Variants in SPHKAP observed in about 807,000 individuals in gnomAD.
The protein encoded by SPHKAP is A-kinase anchor protein SPHKAP.
SPHKAP carries 67 observed loss-of-function variants against 137.5 expected under a neutral mutation model. The ratio of observed to expected loss-of-function variants is 0.49; its 90% confidence interval spans 0.40 to 0.60. The LOEUF is 0.60. Among genes scored for constraint, SPHKAP ranks in the 20% least tolerant of loss-of-function variants. SPHKAP has a pLI of 0.00. For missense variants in SPHKAP, 2,097 were observed against 2,069.3 expected, an observed-to-expected ratio of 1.01 and a Z score of -0.26; for synonymous variants, 813 against 785.3, an observed-to-expected ratio of 1.04 and a Z score of -0.59.
chr2:228,112,354 T>C (rs979914125), intron 2 of SPHKAP, among the ~76,000 whole-genome samples: 1 of 152,198 alleles, frequency 6.6e-6, no homozygotes, highest in African/African-American at 2.4e-5. Flanking sequence ...GAATCACTTC[T>C]TAGTCATTCT....
In SPHKAP at chr2:228,016,451, A is replaced by G. The variant is rs747204900; in HGVS notation, c.4403T>C (p.Val1468Ala). The G allele has an allele frequency of 6.2e-7, 1 of 1,610,932 alleles. No individual in the cohort carries two copies. The highest frequency in any genetic ancestry group is 8.5e-7 in the Non-Finnish European group (1 of 1,178,960). ...CACGGCTGTGTCTCCACCTCTCACCACATCTGGGATGTTTTTGTCATTCGA... is the reference window on the plus strand; with the variant it reads ...CACGGCTGTGTCTCCACCTCTCACCGCATCTGGGATGTTTTTGTCATTCGA... The part of the protein sequence containing the change: ...GHSNDKNIPD[V>A]VRGGDTAVSA... Residue 1468 changes from valine to alanine, a missense_variant, in exon 7 of 12, where the codon GTG becomes GCG. By Grantham distance (64) the Val-to-Ala change is moderately conservative. Transcript: ENST00000392056.
chr2:228,046,248 C>T (rs554499552), intron 3 of SPHKAP, among the ~76,000 whole-genome samples: 3 of 145,704 alleles, frequency 2.1e-5, no homozygotes, highest in Non-Finnish European at 3.0e-5. Flanking sequence ...AATAAAAATC[C>T]GTGTTTCAAA....
At chr2:228,081,585 A>T (rs1040241750) in intron 3 of SPHKAP, among the ~76,000 whole-genome samples, 1 of 152,198 alleles carries the variant, frequency 6.6e-6, no homozygotes, top group Admixed American at 6.5e-5. Context: ...AAAATGTGGT[A>T]TGTATACTTA....
intron 3 of SPHKAP, among the ~76,000 whole-genome samples, chr2:228,078,439 G>A (rs1302119503): frequency 2.2e-5 from 3 of 139,464 alleles, no homozygotes; most frequent in Non-Finnish European, 3.0e-5. Context: ...CATACACACC[G>A]TAAGGCCTCT....
At chr2:228,067,730 G>A (rs1436932359) in intron 3 of SPHKAP, among the ~76,000 whole-genome samples, 6 of 152,144 alleles carry the variant, frequency 3.9e-5, no homozygotes, top group Admixed American at 2.6e-4. Flanking sequence ...GATCCAGGGC[G>A]TAATCAGAGT....
At chr2:228,035,144 C>G (rs1371050658) in intron 3 of SPHKAP, among the ~76,000 whole-genome samples, 14 of 146,634 alleles carry the variant, frequency 9.5e-5, no homozygotes, top group African/African-American at 3.6e-4. Flanking sequence ...ATTGTCTCAG[C>G]CCAAAATCTC....
chr2:228,069,161 G>T (rs940202997), intron 3 of SPHKAP, among the ~76,000 whole-genome samples: 1 of 152,112 alleles, frequency 6.6e-6, no homozygotes, highest in South Asian at 2.1e-4. Context: ...CAGCTACTTG[G>T]GAGGCTGACA....
In SPHKAP at chr2:227,995,696, T is replaced by C; in HGVS notation, c.4449-2A>G. On this transcript the variant is annotated splice_acceptor_variant, in intron 7 of 11. Transcript: ENST00000392056. LOFTEE classifies it high-confidence loss of function. The stretch of plus-strand genomic sequence containing the variant: ...ACATCTCTGGTATCAAGGCTGTCAC[T>C]GTAGAGGGCAAGATATTATTACCAA... 1 of 1,581,778 alleles carries C rather than the reference T, an allele frequency of 6.3e-7. No individual in the cohort carries two copies. The highest frequency in any genetic ancestry group is 8.6e-7 in the Non-Finnish European group (1 of 1,169,454).
At chr2:228,096,784 C>CTAGCAGTGT (rs1463349841) in intron 3 of SPHKAP, among the ~76,000 whole-genome samples, 1 of 152,052 alleles carries the variant, frequency 6.6e-6, no homozygotes, top group Non-Finnish European at 1.5e-5. Context: ...TTTGCAAAGA[C>CTAGCAGTGT]AGAAATTTCC....
intron 7 of SPHKAP, among the ~76,000 whole-genome samples, chr2:228,013,101 A>G (rs1239411436): frequency 1.3e-5 from 2 of 152,248 alleles, no homozygotes; most frequent in Non-Finnish European, 2.9e-5. Context: ...ACTGTTTCAC[A>G]GAGAAGTGAG....
chr2:228,004,607 T>A (rs1162594787), intron 7 of SPHKAP, among the ~76,000 whole-genome samples: 5 of 152,228 alleles, frequency 3.3e-5, no homozygotes, highest in Admixed American at 3.3e-4. Flanking sequence ...ATCTTTTGCA[T>A]GTGTTTGCTC....
chr2:228,164,456 A>G (rs1424079578), intron 1 of SPHKAP, among the ~76,000 whole-genome samples: 1 of 152,234 alleles, frequency 6.6e-6, no homozygotes, highest in Non-Finnish European at 1.5e-5. Flanking sequence ...CCTGACTAAT[A>G]CAGCCCCCAA....
At chr2:228,036,774 A>T (rs984131246) in intron 3 of SPHKAP, among the ~76,000 whole-genome samples, 2 of 152,050 alleles carry the variant, frequency 1.3e-5, no homozygotes, top group African/African-American at 4.8e-5. Context: ...TCCGAAAACT[A>T]TCGCAAGGAC....
chr2:227,991,083 C>A lies in SPHKAP; in HGVS notation c.4876G>T (p.Ala1626Ser). The change falls in exon 11 of 12, where the codon GCC becomes TCC. Residue 1626 changes from alanine (A) to serine (S), a missense_variant. By Grantham distance (99) the Ala-to-Ser change is moderately conservative. Coordinates refer to ENST00000392056, the MANE Select transcript of SPHKAP (RefSeq NM_001142644.2). ...EPECPDAELR[A>S]TLQWIAASEL... ...GAGGCAGCTATCCACTGCAGAGTGG[C>A]TCGGAGCTCGGCATCTGGACACTCT... 6.2e-7 allele frequency: 1 copy of A among 1,614,132 alleles called. No individual in the cohort carries two copies. Among genetic ancestry groups the A allele is most frequent in the Non-Finnish European group, 8.5e-7 (1 of 1,180,026 alleles).
intron 1 of SPHKAP, among the ~76,000 whole-genome samples, chr2:228,179,107 C>T (rs1395741756): frequency 6.6e-6 from 1 of 152,052 alleles, no homozygotes; most frequent in Non-Finnish European, 1.5e-5. Flanking sequence ...ATAATTAACT[C>T]AATGTTATTA....
chr2:228,075,461 C>A (rs574568065), intron 3 of SPHKAP, among the ~76,000 whole-genome samples: 1 of 151,968 alleles, frequency 6.6e-6, no homozygotes, highest in South Asian at 2.1e-4. Context: ...GGTCCTTTCT[C>A]AGCATTGCAA....
intron 3 of SPHKAP, among the ~76,000 whole-genome samples, chr2:228,032,901 C>G (rs929555645): frequency 6.6e-6 from 1 of 152,066 alleles, no homozygotes. Flanking sequence ...AAGGAACAAC[C>G]GGTACCTGCC....
At chr2:227,997,019 C>T (rs1693662835) in intron 7 of SPHKAP, among the ~76,000 whole-genome samples, 1 of 152,174 alleles carries the variant, frequency 6.6e-6, no homozygotes, top group South Asian at 2.1e-4. Context: ...TGTGTGCTTG[C>T]CTGGACTATA....
intron 3 of SPHKAP, among the ~76,000 whole-genome samples, chr2:228,088,431 A>G (rs1232166894): frequency 6.6e-6 from 1 of 152,240 alleles, no homozygotes; most frequent in Non-Finnish European, 1.5e-5. Flanking sequence ...TTAAAAATAC[A>G]GTAAAAATTG....
Sources: gnomAD v4.1 joint callset for allele counts (sites outside exome capture counted in the v4.1 genomes callset) on GRCh38, gnomAD v4.1.1 for gene constraint, MANE v1.5 for transcripts, NCBI Gene and HGNC (gene_info 2026-07-23, HGNC 2026-07-21) for gene names.